The following GPM6B variants were observed in gnomAD, a reference collection of about 807,000 sequenced individuals.
GPM6B encodes glycoprotein M6B, also known as neuronal membrane glycoprotein M6-b.
In GPM6B, 4 loss-of-function variants were observed where a neutral mutation model predicts 27.2. The observed-to-expected ratio is 0.15, with a 90% confidence interval of 0.07 to 0.34. The LOEUF is 0.34. GPM6B is among the 10% of genes least tolerant of loss of function. The pLI is 1.00. For synonymous variants in GPM6B, 124 were observed against 103.1 expected (o/e 1.20, Z -1.23); for missense variants, 183 against 261.9 (o/e 0.70, Z 2.08).
At chrX:13,926,425 CA>C (rs1250788798) in intron 1 of GPM6B, among the ~76,000 whole-genome samples, 73 of 17,709 alleles carry the variant, frequency 4.1e-3, no homozygotes, top group African/African-American at 0.015. Context: ...AACAAACAAA[CA>C]AAAAAAAAAA....
intron 1 of GPM6B, among the ~76,000 whole-genome samples, chrX:13,850,899 C>T (rs753388204): frequency 2.7e-4 from 30 of 111,234 alleles, no homozygotes; most frequent in East Asian, 8.4e-4. Flanking sequence ...CATGGGGGCT[C>T]GTGCCTGTAA....
Position 13,890,037 on chromosome X carries a change from T to TA in GPM6B, c.-198+48289dup, listed in dbSNP as rs755497626. Among the ~76,000 whole-genome samples the TA allele has an allele frequency of 7.0e-3, 784 of 111,361 alleles. 7 individuals are homozygous for TA. Among genetic ancestry groups the TA allele is most frequent in the African/African-American group, 0.024 (738 of 30,594 alleles). On this transcript the variant is annotated intron_variant, in intron 1 of 6. Coordinates refer to the GPM6B transcript ENST00000398361. ...AACTCCATCTTAAATAGGAGCTGGG[T>TA]AAAATGAGGCTGAGACCTACTGGGC...
intron 1 of GPM6B, among the ~76,000 whole-genome samples, chrX:13,853,590 CAAA>C (rs66531403): frequency 1.8e-4 from 7 of 38,553 alleles, no homozygotes; most frequent in African/African-American, 5.2e-4. Flanking sequence ...GACACCACCT[CAAA>C]AAAAAAAAAA....
chrX:13,857,035 A>G (rs764443162), intron 1 of GPM6B, among the ~76,000 whole-genome samples: 4 of 111,313 alleles, frequency 3.6e-5, no homozygotes, highest in Non-Finnish European at 7.5e-5. Flanking sequence ...AGTCAGCAAC[A>G]TAACATCTTT....
At chrX:13,838,900 G>C (rs1603066712) in intron 1 of GPM6B, among the ~76,000 whole-genome samples, 1 of 111,267 alleles carries the variant, frequency 9.0e-6, no homozygotes, top group African/African-American at 3.3e-5. Context: ...CCAACCTATT[G>C]ACTGGACCCC....
At chrX:13,802,551 T>C (rs2048941931) in intron 2 of GPM6B, among the ~76,000 whole-genome samples, 1 of 92,458 alleles carries the variant, frequency 1.1e-5, no homozygotes, top group African/African-American at 3.9e-5. Context: ...TATAAATTAT[T>C]TTATATATAT....
intron 2 of GPM6B, among the ~76,000 whole-genome samples, chrX:13,788,244 G>A (rs2048649258): frequency 9.0e-6 from 1 of 111,563 alleles, no homozygotes; most frequent in Admixed American, 9.6e-5. Context: ...AAGACCTACT[G>A]GGTGCCAAGT....
chrX:13,837,641 G>A (rs1361209431), intron 1 of GPM6B, among the ~76,000 whole-genome samples: 1 of 98,207 alleles, frequency 1.0e-5, no homozygotes, highest in Non-Finnish European at 2.0e-5. Flanking sequence ...GAAATGTGCT[G>A]CAAATTAGCA....
intron 1 of GPM6B, among the ~76,000 whole-genome samples, chrX:13,894,618 T>A (rs1309294702): frequency 1.8e-5 from 2 of 112,237 alleles, no homozygotes; most frequent in Non-Finnish European, 3.8e-5. Context: ...ACAAATTAAA[T>A]CATAGCCTCA....
At chrX:13,918,086 G>C (rs2050445571) in intron 1 of GPM6B, among the ~76,000 whole-genome samples, 1 of 113,031 alleles carries the variant, frequency 8.8e-6, no homozygotes, top group African/African-American at 3.2e-5. Context: ...GGACTATCCT[G>C]TCACCAGAAG....
chrX:13,856,053 C>T (rs1467638153), intron 1 of GPM6B, among the ~76,000 whole-genome samples: 3 of 111,964 alleles, frequency 2.7e-5, no homozygotes, highest in Non-Finnish European at 3.8e-5. Context: ...AGCCCAAATT[C>T]TTCTTGCTAT....
At chrX:13,808,274 G>A (rs941651762) in intron 1 of GPM6B, among the ~76,000 whole-genome samples, 1 of 112,261 alleles carries the variant, frequency 8.9e-6, no homozygotes, top group Non-Finnish European at 1.9e-5. Context: ...GACGTCTGCA[G>A]TATTGTCTGT....
chrX:13,831,327 GTTGGGATGGGAA>G (rs1417674824), intron 1 of GPM6B, among the ~76,000 whole-genome samples: 1 of 110,271 alleles, frequency 9.1e-6, no homozygotes, highest in Non-Finnish European at 1.9e-5. Flanking sequence ...GGCTCTGATG[GTTGGGATGGGAA>G]TTGGGAGGTC....
chrX:13,919,744 A>G (rs1414086385), intron 1 of GPM6B, among the ~76,000 whole-genome samples: 1 of 111,934 alleles, frequency 8.9e-6, no homozygotes, highest in African/African-American at 3.2e-5. Context: ...GTCATCCTTA[A>G]CAATTACCCA....
chrX:13,885,758 G>C, intron 1 of GPM6B, among the ~76,000 whole-genome samples: 1 of 111,617 alleles, frequency 9.0e-6, no homozygotes, highest in East Asian at 2.8e-4. Flanking sequence ...CTGCAGACAA[G>C]CGTGATGGAT....
At chrX:13,804,909 T>C (rs2048994642) in intron 2 of GPM6B, among the ~76,000 whole-genome samples, 1 of 111,514 alleles carries the variant, frequency 9.0e-6, no homozygotes, top group South Asian at 3.8e-4. Context: ...GGCATTGATT[T>C]AGGACCCAAC....
intron 2 of GPM6B, among the ~76,000 whole-genome samples, chrX:13,806,578 A>G: frequency 8.9e-6 from 1 of 111,866 alleles, no homozygotes; most frequent in Middle Eastern, 4.7e-3. Flanking sequence ...GACAGAACTA[A>G]ATCCAACGTC....
chrX:13,817,506 G>C (rs1323641505), upstream of GPM6B, among the ~76,000 whole-genome samples: 5 of 112,466 alleles, frequency 4.4e-5, no homozygotes, highest in Admixed American at 2.8e-4. Flanking sequence ...GCATGTCTTT[G>C]CATAGGCATG....
rs1421076296 is a variant in GPM6B, at chrX:13,807,423, G to A, written c.181+227C>T. Among the ~76,000 whole-genome samples, 3 of 112,117 alleles carry A rather than the reference G, an allele frequency of 2.7e-5. No homozygotes were observed. The East Asian group carries it at 8.3e-4, about 31-fold the overall frequency. ...GTGATTGAAGGTGAAAGAGGGAAGA[G>A]GGAAGAAGGAGAAGAAAGTGGAGAA... On this transcript the variant is annotated intron_variant, in intron 2 of 7. Coordinates refer to ENST00000316715, the MANE Select transcript of GPM6B (RefSeq NM_001001995.3).
Sources: gnomAD v4.1 joint callset for allele counts (sites outside exome capture counted in the v4.1 genomes callset) on GRCh38, gnomAD v4.1.1 for gene constraint, MANE v1.5 for transcripts, NCBI Gene and HGNC (gene_info 2026-07-23, HGNC 2026-07-21) for gene names.